Variants in SMYD3 observed in about 807,000 individuals in gnomAD.
SMYD3 encodes the protein histone-lysine N-methyltransferase SMYD3.
SMYD3 carries 36 observed loss-of-function variants against 57.7 expected under a neutral mutation model. That is an observed-to-expected ratio of 0.62 (90% CI 0.48 to 0.82). The LOEUF (loss-of-function observed/expected upper bound fraction) is 0.82. SMYD3 is among the 40% of genes least tolerant of loss of function. The probability of loss-of-function intolerance (pLI) is 0.00; values close to 1 mark genes in which losing one functional copy is unlikely to be tolerated. For synonymous variants in SMYD3, 211 were observed against 195.0 expected, an observed-to-expected ratio of 1.08 and a Z score of -0.68; for missense variants, 515 against 538.8, an observed-to-expected ratio of 0.96 and a Z score of 0.44.
chr1:246,087,153 G>A (rs1440709583), intron 5 of SMYD3, among the ~76,000 whole-genome samples: 1 of 152,146 alleles, frequency 6.6e-6, no homozygotes, highest in African/African-American at 2.4e-5. Context: ...CTCCCCCCAT[G>A]ATTCAGAATA....
chr1:246,011,434 C>T (rs2059279838), intron 5 of SMYD3, among the ~76,000 whole-genome samples: 1 of 152,144 alleles, frequency 6.6e-6, no homozygotes, highest in Admixed American at 6.5e-5. Context: ...GAACATTATT[C>T]ATAACGGTTT....
intron 10 of SMYD3, among the ~76,000 whole-genome samples, chr1:245,773,669 T>C (rs1216682673): frequency 6.6e-6 from 1 of 152,226 alleles, no homozygotes; most frequent in Non-Finnish European, 1.5e-5. Context: ...ACTATTTTTT[T>C]AGAGTGTGAA....
chr1:246,291,457 TTA>T (rs1176270282), intron 5 of SMYD3, among the ~76,000 whole-genome samples: 2 of 152,246 alleles, frequency 1.3e-5, no homozygotes, highest in South Asian at 2.1e-4. Flanking sequence ...TGCTATTTAT[TTA>T]TATGTTAACC....
chr1:246,483,272 C>T (rs1208211844), intron 1 of SMYD3, among the ~76,000 whole-genome samples: 1 of 152,130 alleles, frequency 6.6e-6, no homozygotes, highest in Non-Finnish European at 1.5e-5. Flanking sequence ...TCTCATAAAA[C>T]ATTCACATTA....
chr1:246,253,170 C>A (rs2063823062), intron 5 of SMYD3, among the ~76,000 whole-genome samples: 1 of 152,082 alleles, frequency 6.6e-6, no homozygotes, highest in South Asian at 2.1e-4. Flanking sequence ...AGGTTTGTTA[C>A]CAGGGTATAT....
At chr1:245,964,861 G>A (rs930602451) in intron 5 of SMYD3, among the ~76,000 whole-genome samples, 2 of 149,932 alleles carry the variant, frequency 1.3e-5, no homozygotes, top group Non-Finnish European at 3.0e-5. Flanking sequence ...TACATATAAT[G>A]GGAATATTAG....
chr1:245,824,944 T>C (rs1487353644), intron 10 of SMYD3, among the ~76,000 whole-genome samples: 2 of 149,892 alleles, frequency 1.3e-5, no homozygotes, highest in South Asian at 2.1e-4. Flanking sequence ...AGCAGGAAAA[T>C]TGCTTGAACC....
At chr1:245,927,516 C>T (rs2275312) in intron 7 of SMYD3, among the ~76,000 whole-genome samples, 130,607 of 152,218 alleles carry the variant, frequency 0.86, 56,533 homozygotes, top group Middle Eastern at 0.92. Flanking sequence ...CAGTGGCCTT[C>T]CGAGTGAAGA....
chr1:246,496,052 T>G (rs55806322), intron 1 of SMYD3, among the ~76,000 whole-genome samples: 20,699 of 151,934 alleles, frequency 0.14, 1,669 homozygotes, highest in Non-Finnish European at 0.18. Flanking sequence ...GTTGTTATTG[T>G]TTTGATATGG....
chr1:245,909,234 A>T (rs1482401920), intron 8 of SMYD3, among the ~76,000 whole-genome samples: 2 of 152,188 alleles, frequency 1.3e-5, no homozygotes, highest in African/African-American at 2.4e-5. Flanking sequence ...AGTCACACAC[A>T]AACTACCAAG....
intron 5 of SMYD3, among the ~76,000 whole-genome samples, chr1:246,061,284 A>T (rs115838594): frequency 5.6e-4 from 86 of 152,272 alleles, no homozygotes; most frequent in African/African-American, 2.0e-3. Flanking sequence ...TAACTGCAAA[A>T]AGATATATGA....
At chr1:246,036,800 G>C (rs1298336398) in intron 5 of SMYD3, among the ~76,000 whole-genome samples, 1 of 149,630 alleles carries the variant, frequency 6.7e-6, no homozygotes, top group Non-Finnish European at 1.5e-5. Flanking sequence ...TCCTGACCTC[G>C]TGATCCGCCC....
chr1:246,001,134 C>G (rs993196585), intron 5 of SMYD3, among the ~76,000 whole-genome samples: 2 of 152,332 alleles, frequency 1.3e-5, no homozygotes, highest in Middle Eastern at 3.4e-3. Flanking sequence ...GGCCAACAGA[C>G]AGAACCATAT....
At chr1:245,953,348 A>C (rs980120508) in intron 5 of SMYD3, 4 of 987,782 alleles carry the variant, frequency 4.0e-6, no homozygotes, top group Admixed American at 1.2e-4. Context: ...ATTTTTTAGG[A>C]TGTAACTCTG....
chr1:246,058,073 C>T (rs911941951), intron 5 of SMYD3, among the ~76,000 whole-genome samples: 7 of 150,750 alleles, frequency 4.6e-5, no homozygotes, highest in Admixed American at 2.0e-4. Context: ...AAAAGATCAG[C>T]GGTTGCCAGG....
rs1040714231 is a variant in SMYD3 at position 246,203,273 on chromosome 1, A to G, written c.531+123928T>C. 6.6e-6 allele frequency among the ~76,000 whole-genome samples: 1 copy of G among 152,060 alleles called. No individual in the cohort carries two copies. Among genetic ancestry groups the G allele is most frequent in the Non-Finnish European group, 1.5e-5 (1 of 68,014 alleles). On this transcript the variant is annotated intron_variant, in intron 5 of 11. Coordinates refer to ENST00000490107, the MANE Select transcript of SMYD3 (RefSeq NM_001167740.2). The surrounding 1 kb of genome is among the most constrained non-coding windows in gnomAD (Gnocchi z 4.6). ...AAATTAATTCAATAAATATCCACAG[A>G]GCTTTAATCCAGATGTGTGCAAGAT...
chr1:245,762,298 G>A (rs1245010172), intron 11 of SMYD3, among the ~76,000 whole-genome samples: 2 of 152,188 alleles, frequency 1.3e-5, no homozygotes, highest in Non-Finnish European at 2.9e-5. Flanking sequence ...CACGGATCAC[G>A]TACGTACGAG....
At chr1:245,928,333 T>C (rs2056515527) in intron 6 of SMYD3, among the ~76,000 whole-genome samples, 1 of 152,040 alleles carries the variant, frequency 6.6e-6, no homozygotes, top group Non-Finnish European at 1.5e-5. Context: ...TAACAGTCAA[T>C]AAGGCAACCC....
intron 5 of SMYD3, among the ~76,000 whole-genome samples, chr1:245,988,819 T>G (rs72770803): frequency 0.12 from 18,665 of 152,200 alleles, 1,555 homozygotes; most frequent in East Asian, 0.44. Context: ...ACTCAAAGGC[T>G]TTTTTTGTCA....
Sources: gnomAD v4.1 joint callset for allele counts (sites outside exome capture counted in the v4.1 genomes callset) on GRCh38, gnomAD v4.1.1 for gene constraint, Gnocchi (gnomAD v3.1) non-coding constraint, MANE v1.5 for transcripts, NCBI Gene and HGNC (gene_info 2026-07-23, HGNC 2026-07-21) for gene names.